The following PARD3 variants were observed in gnomAD, a reference collection of about 807,000 sequenced individuals.
PARD3 encodes the protein partitioning defective 3 homolog.
A neutral mutation model predicts 155.4 loss-of-function variants in PARD3; 75 were observed. The ratio of observed to expected loss-of-function variants is 0.48; its 90% CI spans 0.40 to 0.58. The LOEUF is 0.58. Ranked by LOEUF, PARD3 falls within the 20% of genes least tolerant of loss-of-function variation. PARD3 has a pLI of 0.00. For missense variants in PARD3, 1,642 were observed against 1,721.7 expected (o/e 0.95, Z 0.82); for synonymous variants, 576 against 610.5 (o/e 0.94, Z 0.83).
chr10:34,118,098 A>G (rs184357054), intron 24 of PARD3, among the ~76,000 whole-genome samples: 25 of 152,286 alleles, frequency 1.6e-4, no homozygotes, highest in African/African-American at 5.8e-4. Context: ...AAAGACCAAA[A>G]CTTTAATGAC....
chr10:34,580,320 G>C (rs918652894), intron 2 of PARD3, among the ~76,000 whole-genome samples: 3 of 152,028 alleles, frequency 2.0e-5, no homozygotes, highest in Non-Finnish European at 4.4e-5. Context: ...GATCACTCGA[G>C]ACCAGCCTAG....
intron 3 of PARD3, among the ~76,000 whole-genome samples, chr10:34,502,296 TAGA>T (rs1190821803): frequency 2.0e-5 from 3 of 151,912 alleles, no homozygotes; most frequent in Non-Finnish European, 4.4e-5. Flanking sequence ...GATGTAACCA[TAGA>T]AGAAGGGTCC....
chr10:34,713,285 TTTC>T, intron 1 of PARD3, among the ~76,000 whole-genome samples: 1 of 152,244 alleles, frequency 6.6e-6, no homozygotes, highest in Non-Finnish European at 1.5e-5. Context: ...ATAAAAACCT[TTTC>T]TTCTTAGAAC....
intron 2 of PARD3, among the ~76,000 whole-genome samples, chr10:34,625,087 T>G (rs1590284369): frequency 6.6e-6 from 1 of 152,160 alleles, no homozygotes; most frequent in Non-Finnish European, 1.5e-5. Flanking sequence ...TTTGGGGGCA[T>G]AAAAACCATG....
intron 20 of PARD3, among the ~76,000 whole-genome samples, chr10:34,287,310 T>C (rs1956447789): frequency 6.6e-6 from 1 of 152,212 alleles, no homozygotes; most frequent in South Asian, 2.1e-4. Flanking sequence ...TTAGTGTTTC[T>C]GTTCATAAAT....
At chr10:34,610,626 G>C (rs752103920) in intron 2 of PARD3, among the ~76,000 whole-genome samples, 2 of 152,174 alleles carry the variant, frequency 1.3e-5, no homozygotes, top group Non-Finnish European at 2.9e-5. Flanking sequence ...GGAGTTCCTA[G>C]AATACGCTAG....
chr10:34,458,377 A>AT (rs1237607363), intron 4 of PARD3, among the ~76,000 whole-genome samples: 2 of 152,000 alleles, frequency 1.3e-5, no homozygotes, highest in Admixed American at 6.6e-5. Flanking sequence ...TAATTTTTTA[A>AT]TTTTTTGTAG....
intron 22 of PARD3, among the ~76,000 whole-genome samples, chr10:34,179,604 C>G (rs1950183206): frequency 6.6e-6 from 1 of 152,192 alleles, no homozygotes. Context: ...TTGTTCATAA[C>G]CTAACTTGAC....
At chr10:34,756,551 G>A (rs1191682777) in intron 1 of PARD3, among the ~76,000 whole-genome samples, 2 of 146,890 alleles carry the variant, frequency 1.4e-5, no homozygotes, top group East Asian at 4.0e-4. Flanking sequence ...GAACGCCTGA[G>A]CTCAAGTGAT....
At chr10:34,432,329 C>A (rs867293382) in intron 5 of PARD3, among the ~76,000 whole-genome samples, 3 of 110,860 alleles carry the variant, frequency 2.7e-5, no homozygotes, top group South Asian at 3.2e-4. Flanking sequence ...AAGATATACA[C>A]GTGCACATAC....
chr10:34,501,088 C>T (rs540064582), intron 3 of PARD3, among the ~76,000 whole-genome samples: 128 of 152,118 alleles, frequency 8.4e-4, no homozygotes, highest in Non-Finnish European at 1.3e-3. Flanking sequence ...AAATATTGCC[C>T]CATATGGCTC....
chr10:34,814,963 C>A lies in PARD3; in HGVS notation c.33G>T (p.Arg11=). The change falls in exon 1 of 25, where the codon CGG becomes CGT. Residue 11 remains arginine (R), a synonymous_variant. Transcript: ENST00000374788. The part of the protein sequence containing the change: MKVTVCFGRT[R]VVVPCGDGHM... ...GGCCGTCCCCGCACGGCACGACCAC[C>A]CGGGTCCGTCCGAAGCACACGGTCA... is the stretch of plus-strand genomic sequence containing the variant. 3 of 1,555,934 alleles carry A rather than the reference C, an allele frequency of 1.9e-6. No individual in the cohort carries two copies. Among genetic ancestry groups the A allele is most frequent in the Non-Finnish European group, 2.6e-6 (3 of 1,153,286 alleles).
intron 5 of PARD3, among the ~76,000 whole-genome samples, chr10:34,411,776 A>C (rs1000837039): frequency 6.6e-6 from 1 of 151,504 alleles, no homozygotes; most frequent in African/African-American, 2.4e-5. Context: ...AGATAGATAG[A>C]TAGACAGAAT....
rs146772027 is a variant in PARD3, at chr10:34,535,550, A to C, written c.223-18391T>G. On this transcript the variant is annotated intron_variant, in intron 2 of 24. Coordinates refer to ENST00000374788, the MANE Select transcript of PARD3 (RefSeq NM_001184785.2). ...CGCCCAGGCTGGAGTGCAGTGGCGCAATCTTAGCTCACTGCAACCTCCATC... is the reference window on the plus strand; with the variant it reads ...CGCCCAGGCTGGAGTGCAGTGGCGCCATCTTAGCTCACTGCAACCTCCATC... Among the ~76,000 whole-genome samples, 1,020 of 152,252 alleles carry C rather than the reference A, an allele frequency of 6.7e-3. 14 individuals carry two copies. The highest frequency in any genetic ancestry group is 0.023 in the African/African-American group (967 of 41,544).
At chr10:34,249,560 G>C (rs1289092063) in intron 22 of PARD3, among the ~76,000 whole-genome samples, 1 of 151,954 alleles carries the variant, frequency 6.6e-6, no homozygotes, top group Non-Finnish European at 1.5e-5. Context: ...GTCCGTGCTG[G>C]GTATATTTTT....
At chr10:34,352,798 G>C (rs1838275804) in intron 14 of PARD3, among the ~76,000 whole-genome samples, 1 of 152,000 alleles carries the variant, frequency 6.6e-6, no homozygotes, top group Non-Finnish European at 1.5e-5. Context: ...CTCTCTGCCT[G>C]GTCGCCCATC....
At chr10:34,537,936 T>C (rs1397971019) in intron 2 of PARD3, among the ~76,000 whole-genome samples, 1 of 152,178 alleles carries the variant, frequency 6.6e-6, no homozygotes, top group Non-Finnish European at 1.5e-5. Flanking sequence ...TGCTGCCACC[T>C]AAAAACTGAC....
chr10:34,448,678 CATGTATAGTCCT>C (rs2076889831), intron 5 of PARD3, among the ~76,000 whole-genome samples: 1 of 151,764 alleles, frequency 6.6e-6, no homozygotes. Flanking sequence ...TGGTGGTGTA[CATGTATAGTCCT>C]AGCTACCAGG....
rs1263888843 is a variant in PARD3, at chr10:34,359,314, C to T, written c.1900G>A (p.Gly634Arg). 5 of 1,612,064 alleles carry T rather than the reference C, an allele frequency of 3.1e-6. No individual in the cohort carries two copies. In the South Asian group the frequency reaches 5.5e-5, roughly 18 times the overall value. The change falls in exon 14 of 25, where the codon GGA becomes AGA. Residue 634 changes from glycine (G) to arginine (R), a missense_variant. This residue lies in a region of PARD3 where 1,529 missense variants were observed against 1,587.3 expected (regional missense o/e 0.96). Transcript: ENST00000374788. ...AGTTGATCATTCACCCGAAGCCTTCCATCCTGGGAAGAAAACAGGTAAAAA... is the reference window on the plus strand; with the variant it reads ...AGTTGATCATTCACCCGAAGCCTTCTATCCTGGGAAGAAAACAGGTAAAAA... ...IINGGAASKD[G>R]RLRVNDQLIA...
Sources: gnomAD v4.1 joint callset for allele counts (sites outside exome capture counted in the v4.1 genomes callset) on GRCh38, gnomAD v4.1.1 for gene constraint, gnomAD v4.1.1 regional missense constraint, MANE v1.5 for transcripts, NCBI Gene and HGNC (gene_info 2026-07-23, HGNC 2026-07-21) for gene names.